The following DNAH14 variants were observed in gnomAD, a reference collection of about 807,000 sequenced individuals.
DNAH14 encodes axonemal beta dynein heavy chain 14.
DNAH14 carries 478 observed loss-of-function variants against 520.9 expected under a neutral mutation model. The ratio of observed to expected loss-of-function variants is 0.92; its 90% CI spans 0.85 to 0.99. The LOEUF is 0.99. Ranked by LOEUF, DNAH14 falls within the 50% of genes least tolerant of loss-of-function variation. DNAH14 has a pLI of 0.00. For synonymous variants in DNAH14, 1,581 were observed against 1,757.2 expected, an observed-to-expected ratio of 0.90 and a Z score of 2.51; for missense variants, 4,831 against 5,234.5, an observed-to-expected ratio of 0.92 and a Z score of 2.38.
In DNAH14 at chr1:224,960,199, G is replaced by A. The variant is rs1397735018; in HGVS notation, c.264G>A (p.Glu88=). 6.2e-7 allele frequency: 1 copy of A among 1,608,464 alleles called. No individual in the cohort carries two copies. Among genetic ancestry groups the A allele is most frequent in the Non-Finnish European group, 8.5e-7 (1 of 1,177,950 alleles). Residue 88 remains glutamate, a synonymous_variant, in exon 4 of 86, where the codon GAG becomes GAA. Transcript: ENST00000682510. ...TTCAACAACATATGGTTTCTCCAGAGCCAGCTTCCCTTAAGGAGAAAGGGA... is the reference window on the plus strand; with the variant it reads ...TTCAACAACATATGGTTTCTCCAGAACCAGCTTCCCTTAAGGAGAAAGGGA... ...SIIQQHMVSP[E]PASLKEKGKS...
intron 43 of DNAH14, among the ~76,000 whole-genome samples, chr1:225,247,029 T>TG (rs1290548023): frequency 3.9e-5 from 6 of 152,198 alleles, no homozygotes; most frequent in Admixed American, 3.9e-4. Context: ...ATATACACCA[T>TG]GGAATACTAT....
At chr1:225,303,417 C>A in intron 57 of DNAH14, 70 bp downstream of exon 57, 1 of 1,371,678 alleles carries the variant, frequency 7.3e-7, no homozygotes, top group Non-Finnish European at 9.8e-7. Context: ...CTCTGAAGAG[C>A]AACAAACCCT....
chr1:225,100,656 G>A (rs893223671), intron 22 of DNAH14, 57 bp from the exon 23 acceptor site: 4 of 1,328,922 alleles, frequency 3.0e-6, no homozygotes, highest in African/African-American at 3.0e-5. Context: ...TTACATTATA[G>A]ATTTTAATCA....
intron 21 of DNAH14, among the ~76,000 whole-genome samples, chr1:225,096,103 A>C (rs116252760): frequency 6.6e-6 from 1 of 151,840 alleles, no homozygotes; most frequent in Non-Finnish European, 1.5e-5. Flanking sequence ...AGTATCTGGG[A>C]TTACCGGCAC....
chr1:225,170,101 C>A (rs370745882), intron 36 of DNAH14, among the ~76,000 whole-genome samples: 16 of 152,266 alleles, frequency 1.1e-4, no homozygotes, highest in East Asian at 3.9e-4. Context: ...GCCTGCCCTA[C>A]AAGAGCTCCT....
chr1:225,102,076 T>G (rs1302173022), intron 23 of DNAH14, among the ~76,000 whole-genome samples: 3 of 129,044 alleles, frequency 2.3e-5, no homozygotes, highest in Non-Finnish European at 3.1e-5. Context: ...GTGTATGATG[T>G]TCCCCTTCCT....
chr1:225,304,886 C>G, intron 57 of DNAH14, 22 bp from the exon 58 acceptor site: 1 of 1,491,896 alleles, frequency 6.7e-7, no homozygotes, highest in Non-Finnish European at 8.9e-7. Context: ...TCTCTTAATT[C>G]TTAAAAATTA....
intron 43 of DNAH14, among the ~76,000 whole-genome samples, chr1:225,251,585 A>C (rs180774037): frequency 9.9e-4 from 151 of 152,332 alleles, no homozygotes; most frequent in African/African-American, 3.5e-3. Flanking sequence ...AAAAAAATTT[A>C]ATTAAAACAT....
At chr1:225,002,277 C>G (rs920369674) in intron 8 of DNAH14, among the ~76,000 whole-genome samples, 2 of 152,022 alleles carry the variant, frequency 1.3e-5, no homozygotes, top group African/African-American at 4.8e-5. Flanking sequence ...ATTTGTCTCA[C>G]CTTTATTTAG....
At chr1:225,324,613 C>A in intron 63 of DNAH14, 124 bp from the exon 64 acceptor site, 1 of 975,020 alleles carries the variant, frequency 1.0e-6, no homozygotes. Flanking sequence ...CCCACATATA[C>A]ATATAGTTCT....
chr1:224,968,959 C>A, intron 7 of DNAH14, 85 bp downstream of exon 7: 1 of 821,342 alleles, frequency 1.2e-6, no homozygotes. Flanking sequence ...GGTTCTACTA[C>A]AGTAATACCA....
rs531677482 is a variant in DNAH14, at chr1:224,944,078, T to G, written c.-33-8592T>G. Among the ~76,000 whole-genome samples the G allele has an allele frequency of 5.0e-3, 765 of 152,300 alleles. 6 individuals are homozygous for G. The highest frequency in any genetic ancestry group is 0.017 in the African/African-American group (722 of 41,564). ...TAACTTTCTGTCTTGTTGATGTGTC[T>G]AATGTTGACAGTGGGGTGTTAAAGT... On this transcript the variant is annotated intron_variant, in intron 1 of 85. Transcript: ENST00000682510.
At chr1:225,120,010 G>A (rs1192447521) in intron 26 of DNAH14, among the ~76,000 whole-genome samples, 1 of 152,158 alleles carries the variant, frequency 6.6e-6, no homozygotes, top group East Asian at 1.9e-4. Flanking sequence ...CTGCTGCCTA[G>A]ACAGAGCCAA....
At chr1:225,035,060 TG>T (rs1203958080) in intron 11 of DNAH14, among the ~76,000 whole-genome samples, 4 of 129,912 alleles carry the variant, frequency 3.1e-5, no homozygotes, top group Non-Finnish European at 6.9e-5. Flanking sequence ...ATGTTTTTTT[TG>T]TGTGTGTGCA....
Position 225,203,078 on chromosome 1 carries a change from A to G in DNAH14, c.5887-1105A>G, listed in dbSNP as rs112485689. Among the ~76,000 whole-genome samples the G allele has an allele frequency of 3.9e-3, 589 of 152,182 alleles. 4 individuals are homozygous for G. The highest frequency in any genetic ancestry group is 0.013 in the African/African-American group (557 of 41,530). On this transcript the variant is annotated intron_variant, in intron 38 of 85. Transcript: ENST00000682510. ...CTGTCTCCCCAGTCCTGCAGGAGCA[A>G]TCCACTTTCTTTAGAGGGTCTGTGG... is the stretch of plus-strand genomic sequence containing the variant.
intron 61 of DNAH14, among the ~76,000 whole-genome samples, chr1:225,320,231 T>C (rs758853565): frequency 1.3e-5 from 2 of 152,160 alleles, no homozygotes; most frequent in African/African-American, 2.4e-5. Context: ...TGCCTGAGCT[T>C]CCCTTTTGTG....
intron 61 of DNAH14, among the ~76,000 whole-genome samples, chr1:225,320,981 C>T (rs12135480): frequency 0.084 from 12,776 of 152,070 alleles, 860 homozygotes; most frequent in African/African-American, 0.18. Context: ...TAGAGTTAAA[C>T]CTGGGTAAAA....
At chr1:225,339,895 C>T (rs1037067384) in intron 68 of DNAH14, among the ~76,000 whole-genome samples, 1 of 152,184 alleles carries the variant, frequency 6.6e-6, no homozygotes, top group African/African-American at 2.4e-5. Context: ...ACCCAGTCTG[C>T]CAGCTTCCCT....
chr1:225,327,142 G>A lies in DNAH14; in HGVS notation c.9723+2310G>A, dbSNP rs546410656. On this transcript the variant is annotated intron_variant, in intron 64 of 85. Coordinates refer to ENST00000682510, the MANE Select transcript of DNAH14 (RefSeq NM_001367479.1). ...GCATCTTGTCTGGCAATAATAACAT[G>A]AAGGTTGAAATTAGTAACTTTTTTT... 2.0e-5 allele frequency among the ~76,000 whole-genome samples: 3 copies of A among 146,922 alleles called. No individual in the cohort carries two copies. In the Admixed American group the frequency reaches 2.1e-4, roughly 10 times the overall value.
Sources: allele counts gnomAD v4.1 joint callset (sites outside exome capture counted in the v4.1 genomes callset), GRCh38; gene constraint gnomAD v4.1.1; transcripts MANE v1.5; gene names NCBI Gene and HGNC (gene_info 2026-07-23, HGNC 2026-07-21).